PXDNL: variants seen among roughly 807,000 people sequenced by gnomAD.
The protein encoded by PXDNL is peroxidasin like.
PXDNL carries 145 observed loss-of-function variants against 150.8 expected under a neutral mutation model. The ratio of observed to expected loss-of-function variants is 0.96; its 90% CI spans 0.84 to 1.10. The LOEUF is 1.10. Ranked by LOEUF, PXDNL falls within the 50% of genes least tolerant of loss-of-function variation. The pLI, the probability that PXDNL is intolerant of heterozygous loss-of-function variation, is 0.00. For missense variants in PXDNL, 2,087 were observed against 1,873.9 expected (o/e 1.11, Z -2.10); for synonymous variants, 757 against 725.7 (o/e 1.04, Z -0.69).
chr8:51,689,679 C>A lies in PXDNL; in HGVS notation c.165-34919G>T, dbSNP rs112462379. ...ACCATGAGTATATTTACGAGAAAACCAAAACAACAGGGAAGTTTCTGGAAA... is the reference window on the plus strand; with the variant it reads ...ACCATGAGTATATTTACGAGAAAACAAAAACAACAGGGAAGTTTCTGGAAA... On this transcript the variant is annotated intron_variant, in intron 1 of 22. Coordinates refer to ENST00000356297, the MANE Select transcript of PXDNL (RefSeq NM_144651.5). 6.3e-4 allele frequency among the ~76,000 whole-genome samples: 96 copies of A among 152,084 alleles called. 1 individual carries two copies. The highest frequency in any genetic ancestry group is 1.2e-3 in the Non-Finnish European group (82 of 67,990).
intron 2 of PXDNL, among the ~76,000 whole-genome samples, chr8:51,595,191 G>T (rs1813538109): frequency 1.3e-5 from 2 of 152,092 alleles, no homozygotes; most frequent in African/African-American, 4.8e-5. Context: ...CAATGGCCCA[G>T]TTTATTAGCT....
chr8:51,337,895 A>C (rs1805876484), intron 21 of PXDNL, among the ~76,000 whole-genome samples: 1 of 137,594 alleles, frequency 7.3e-6, no homozygotes, highest in South Asian at 2.3e-4. Context: ...AGCACATTGG[A>C]TGGCCAGGCA....
At chr8:51,337,363 T>C (rs1805858665) in intron 21 of PXDNL, among the ~76,000 whole-genome samples, 1 of 152,134 alleles carries the variant, frequency 6.6e-6, no homozygotes, top group South Asian at 2.1e-4. Context: ...GATATATGAG[T>C]TAATGTTTAA....
chr8:51,363,278 G>A (rs1006160200), intron 19 of PXDNL, among the ~76,000 whole-genome samples: 1 of 152,134 alleles, frequency 6.6e-6, no homozygotes, highest in Admixed American at 6.5e-5. Flanking sequence ...CATTAGGGAA[G>A]GTACCTGGGG....
chr8:51,497,308 GT>G (rs1335220420), intron 5 of PXDNL, among the ~76,000 whole-genome samples: 17 of 152,200 alleles, frequency 1.1e-4, no homozygotes, highest in Admixed American at 1.1e-3. Flanking sequence ...AGACTTAAAT[GT>G]TAGACCCAAA....
At chr8:51,366,031 A>C (rs28763701) in intron 19 of PXDNL, among the ~76,000 whole-genome samples, 1,913 of 152,326 alleles carry the variant, frequency 0.013, 34 homozygotes, top group African/African-American at 0.044. Context: ...AACCCTCATG[A>C]ACACACAAAA....
chr8:51,697,083 C>T (rs1473691588), intron 1 of PXDNL, among the ~76,000 whole-genome samples: 1 of 152,132 alleles, frequency 6.6e-6, no homozygotes, highest in Non-Finnish European at 1.5e-5. Flanking sequence ...GTGGCAGGAT[C>T]ACTTGAGGTC....
chr8:51,761,744 A>AT (rs1442032669), intron 1 of PXDNL, among the ~76,000 whole-genome samples: 2 of 152,212 alleles, frequency 1.3e-5, no homozygotes, highest in Non-Finnish European at 2.9e-5. Flanking sequence ...GTTGTCTGAG[A>AT]AAAGGTATTC....
intron 6 of PXDNL, among the ~76,000 whole-genome samples, chr8:51,475,680 G>A (rs1810457274): frequency 1.3e-5 from 2 of 152,038 alleles, no homozygotes; most frequent in Admixed American, 1.3e-4. Flanking sequence ...TTTGTTACCT[G>A]GGTATATTGC....
intron 3 of PXDNL, among the ~76,000 whole-genome samples, chr8:51,572,993 G>A (rs1812978920): frequency 6.6e-6 from 1 of 151,898 alleles, no homozygotes; most frequent in Non-Finnish European, 1.5e-5. Context: ...TTTTCTTTTT[G>A]CTTATTTATT....
intron 5 of PXDNL, among the ~76,000 whole-genome samples, chr8:51,490,493 C>G (rs1585518381): frequency 6.6e-6 from 1 of 151,454 alleles, no homozygotes; most frequent in East Asian, 1.9e-4. Flanking sequence ...GTAGTAGTTT[C>G]AAAACTTTAA....
Position 51,610,068 on chromosome 8 carries a change from G to A in PXDNL, c.237-17370C>T, listed in dbSNP as rs569524732. Among the ~76,000 whole-genome samples the A allele has an allele frequency of 6.6e-5, 10 of 152,142 alleles. 1 individual carries two copies. The East Asian group carries it at 1.7e-3, about 27-fold the overall frequency. On this transcript the variant is annotated intron_variant, in intron 2 of 22. Coordinates refer to ENST00000356297, the MANE Select transcript of PXDNL (RefSeq NM_144651.5). Reference sequence around the variant, plus strand: ...TTTCAACACGCAGCTCTAGCAACCAGGAATAGGTATAATAATTCACATTTA... The same window carrying A: ...TTTCAACACGCAGCTCTAGCAACCAAGAATAGGTATAATAATTCACATTTA...
At chr8:51,443,916 A>G (rs1454636341) in intron 12 of PXDNL, among the ~76,000 whole-genome samples, 2 of 152,156 alleles carry the variant, frequency 1.3e-5, no homozygotes, top group South Asian at 2.1e-4. Flanking sequence ...GTTTTAGGGT[A>G]TATGTGCACA....
rs4263757 is a variant in PXDNL, at chr8:51,800,910, C to T, written c.164+8271G>A. On this transcript the variant is annotated intron_variant, in intron 1 of 22. Coordinates refer to ENST00000356297, the MANE Select transcript of PXDNL (RefSeq NM_144651.5). ...CAATATGAAATCTGATTGTAAAACA[C>T]GGGTGTTTGAACAATATGAAATCAG... is the stretch of plus-strand genomic sequence containing the variant. Among the ~76,000 whole-genome samples the T allele has an allele frequency of 4.2e-3, 637 of 152,122 alleles. 5 individuals carry two copies. Among genetic ancestry groups the T allele is most frequent in the African/African-American group, 0.014 (598 of 41,478 alleles).
At chr8:51,457,452 T>C (rs768624222) in intron 9 of PXDNL, 46 bp downstream of exon 9, 2 of 1,448,968 alleles carry the variant, frequency 1.4e-6, no homozygotes, top group Non-Finnish European at 1.9e-6. Context: ...TATTAGATCA[T>C]TTTCCAGTGC....
At chr8:51,405,423 C>T (rs1808410478) in intron 17 of PXDNL, among the ~76,000 whole-genome samples, 1 of 152,164 alleles carries the variant, frequency 6.6e-6, no homozygotes, top group Non-Finnish European at 1.5e-5. Flanking sequence ...TGTCTTCCCT[C>T]CACTTGGCCA....
intron 12 of PXDNL, among the ~76,000 whole-genome samples, chr8:51,438,870 C>T (rs1809473453): frequency 6.6e-6 from 1 of 152,148 alleles, no homozygotes; most frequent in Admixed American, 6.5e-5. Flanking sequence ...TGGCAAGCCA[C>T]ATGGAGAAGA....
intron 2 of PXDNL, among the ~76,000 whole-genome samples, chr8:51,645,040 C>T (rs1814887917): frequency 6.6e-6 from 1 of 151,892 alleles, no homozygotes; most frequent in South Asian, 2.1e-4. Context: ...ATGATCTGCC[C>T]TCTGCAAGCT....
At chr8:51,336,186 A>C (rs1249459568) in intron 21 of PXDNL, among the ~76,000 whole-genome samples, 1 of 152,212 alleles carries the variant, frequency 6.6e-6, no homozygotes, top group Non-Finnish European at 1.5e-5. Flanking sequence ...GATTCTCTTA[A>C]ACATTCTAGA....
Sources: gnomAD v4.1 joint callset for allele counts (sites outside exome capture counted in the v4.1 genomes callset) on GRCh38, gnomAD v4.1.1 for gene constraint, MANE v1.5 for transcripts, NCBI Gene and HGNC (gene_info 2026-07-23, HGNC 2026-07-21) for gene names.